Variants in PCSK5 observed in about 807,000 individuals in gnomAD.
PCSK5 encodes the protein proprotein convertase subtilisin/kexin type 5, also known as prohormone convertase 5.
In PCSK5, 129 loss-of-function variants were observed where a neutral mutation model predicts 233.2. That is an observed-to-expected ratio of 0.55 (90% CI 0.48 to 0.64). The LOEUF (loss-of-function observed/expected upper bound fraction) is 0.64. Among genes scored for constraint, PCSK5 ranks in the 30% least tolerant of loss-of-function variants. The pLI is 0.00. For missense variants in PCSK5, 2,076 were observed against 2,430.1 expected, an observed-to-expected ratio of 0.85 and a Z score of 3.06; for synonymous variants, 825 against 879.2, an observed-to-expected ratio of 0.94 and a Z score of 1.09.
At chr9:76,209,294 C>A (rs1825239104) in intron 20 of PCSK5, among the ~76,000 whole-genome samples, 1 of 152,188 alleles carries the variant, frequency 6.6e-6, no homozygotes. Flanking sequence ...TTGCAACCTG[C>A]GTTCCTATCG....
chr9:76,121,691 A>G (rs972212018), intron 9 of PCSK5, among the ~76,000 whole-genome samples: 4 of 151,886 alleles, frequency 2.6e-5, no homozygotes, highest in Admixed American at 1.3e-4. Flanking sequence ...TGCAATTTGT[A>G]TTTTCTCTCC....
chr9:76,152,618 T>G (rs1823719419), intron 10 of PCSK5, among the ~76,000 whole-genome samples: 1 of 152,204 alleles, frequency 6.6e-6, no homozygotes, highest in African/African-American at 2.4e-5. Flanking sequence ...ATAATCGTGT[T>G]AGTGTCATCA....
intron 32 of PCSK5, among the ~76,000 whole-genome samples, chr9:76,327,102 ATTT>A (rs56100078): frequency 7.3e-4 from 94 of 128,180 alleles, no homozygotes; most frequent in African/African-American, 1.3e-3. Flanking sequence ...GCCCATCTCT[ATTT>A]TTTTTTTTTT....
At chr9:76,024,070 T>C (rs1284775203) in intron 4 of PCSK5, among the ~76,000 whole-genome samples, 189 bp downstream of exon 4, 1 of 152,182 alleles carries the variant, frequency 6.6e-6, no homozygotes, top group Non-Finnish European at 1.5e-5. Flanking sequence ...CTTTCAACTT[T>C]CCAGTGCCTT....
chr9:76,000,614 T>G (rs1275971267), intron 3 of PCSK5, among the ~76,000 whole-genome samples: 1 of 152,238 alleles, frequency 6.6e-6, no homozygotes, highest in African/African-American at 2.4e-5. Flanking sequence ...TTCTTTCATT[T>G]TATTTATCAG....
rs550749397 is a variant in PCSK5 at position 76,212,023 on chromosome 9, G to A, written c.2627-15480G>A. Among the ~76,000 whole-genome samples the A allele has an allele frequency of 2.8e-4, 43 of 152,200 alleles. No homozygotes were observed. The South Asian group carries it at 6.4e-3, about 23-fold the overall frequency. ...TCATAATTGATTAAATAGCAGCTAC[G>A]CTTGGGACCATTCTAAATGGTCCCA... On this transcript the variant is annotated intron_variant, in intron 20 of 37. Coordinates refer to ENST00000674117, the MANE Select transcript of PCSK5 (RefSeq NM_001372043.1).
intron 21 of PCSK5, among the ~76,000 whole-genome samples, chr9:76,231,045 G>A (rs1386718304): frequency 1.3e-5 from 2 of 152,028 alleles, no homozygotes; most frequent in Non-Finnish European, 2.9e-5. Flanking sequence ...TTCTCATGCT[G>A]CTATGAAGAA....
intron 7 of PCSK5, among the ~76,000 whole-genome samples, chr9:76,087,142 G>A (rs61283129): frequency 0.011 from 1,676 of 152,260 alleles, 30 homozygotes; most frequent in African/African-American, 0.038. Flanking sequence ...ACACCAACTT[G>A]TACACTGTTT....
intron 3 of PCSK5, among the ~76,000 whole-genome samples, chr9:75,989,421 G>T (rs761141386): frequency 6.6e-6 from 1 of 152,076 alleles, no homozygotes; most frequent in Non-Finnish European, 1.5e-5. Context: ...TTGAGCCTGG[G>T]AGGCAGAGGT....
chr9:76,358,978 C>A lies in PCSK5; in HGVS notation c.*56C>A. 6.6e-7 allele frequency: 1 copy of A among 1,524,824 alleles called. No homozygotes were observed. The allele number at this position is 1,524,824 out of a possible 1,614,324, so 94.5% of individuals were successfully genotyped here. A position where few individuals can be genotyped will look rare whatever the true frequency, so the allele number is the denominator to read the frequency against. ...CACTCTCAGGCATGCCTGTGAGCAT[C>A]ACTGTTTTTGGTTTTATCCCCACAC... On this transcript the variant is annotated 3_prime_UTR_variant, in exon 38 of 38. Transcript: ENST00000674117.
chr9:76,246,023 T>TA (rs747929649), intron 24 of PCSK5, among the ~76,000 whole-genome samples: 4 of 151,880 alleles, frequency 2.6e-5, no homozygotes, highest in Non-Finnish European at 5.9e-5. Context: ...TTGTTCACTG[T>TA]ATGGGAAATG....
At chr9:76,049,924 A>G (rs1028299578) in intron 5 of PCSK5, among the ~76,000 whole-genome samples, 1 of 152,238 alleles carries the variant, frequency 6.6e-6, no homozygotes, top group African/African-American at 2.4e-5. Flanking sequence ...TTATTTGAAT[A>G]TTTTAATAAA....
At chr9:75,898,868 A>G (rs1008310579) in intron 1 of PCSK5, among the ~76,000 whole-genome samples, 4 of 152,232 alleles carry the variant, frequency 2.6e-5, no homozygotes, top group African/African-American at 7.2e-5. Flanking sequence ...GTTCTTGAGA[A>G]GCTAGAACAT....
intron 4 of PCSK5, among the ~76,000 whole-genome samples, chr9:76,026,516 A>G (rs1828432033): frequency 6.6e-6 from 1 of 152,206 alleles, no homozygotes; most frequent in Non-Finnish European, 1.5e-5. Context: ...AAATCTATAT[A>G]TTATGATAAG....
chr9:76,318,293 A>T (rs1372018172), intron 30 of PCSK5, among the ~76,000 whole-genome samples: 1 of 152,084 alleles, frequency 6.6e-6, no homozygotes, highest in Admixed American at 6.6e-5. Flanking sequence ...AGGGAGGGGA[A>T]CATCACACAC....
At chr9:76,180,073 A>ATG (rs1349640452) in intron 15 of PCSK5, among the ~76,000 whole-genome samples, 266 of 128,764 alleles carry the variant, frequency 2.1e-3, no homozygotes, top group Admixed American at 3.5e-3. Flanking sequence ...GTTTATATAT[A>ATG]TATGTGTGTG....
At chr9:75,898,952 C>A (rs1825916634) in intron 1 of PCSK5, among the ~76,000 whole-genome samples, 1 of 152,130 alleles carries the variant, frequency 6.6e-6, no homozygotes, top group Non-Finnish European at 1.5e-5. Flanking sequence ...TTCAGTCACG[C>A]CTTGGGAGAG....
intron 5 of PCSK5, among the ~76,000 whole-genome samples, chr9:76,059,664 A>G (rs1829955272): frequency 6.6e-6 from 1 of 152,154 alleles, no homozygotes; most frequent in Non-Finnish European, 1.5e-5. Context: ...GGACTTTGAA[A>G]AAAGGAACTA....
intron 1 of PCSK5, among the ~76,000 whole-genome samples, chr9:75,906,548 C>T (rs1826273078): frequency 6.6e-6 from 1 of 152,134 alleles, no homozygotes; most frequent in Non-Finnish European, 1.5e-5. Flanking sequence ...TTTAAGAAAG[C>T]TCCAACCACA....
Sources: gnomAD v4.1 joint callset for allele counts (sites outside exome capture counted in the v4.1 genomes callset) on GRCh38, gnomAD v4.1.1 for gene constraint, MANE v1.5 for transcripts, NCBI Gene and HGNC (gene_info 2026-07-23, HGNC 2026-07-21) for gene names.